FBXO40: variants seen among roughly 807,000 people sequenced by gnomAD.
FBXO40 encodes the protein F-box only protein 40.
In FBXO40, 50 loss-of-function variants were observed where a neutral mutation model predicts 49.9. The ratio of observed to expected loss-of-function variants is 1.00; its 90% CI spans 0.80 to 1.27. FBXO40 has a LOEUF of 1.27. Among genes scored for constraint, FBXO40 ranks in the 50% most tolerant of loss-of-function variants. The pLI is 0.00. For missense variants in FBXO40, 895 were observed against 870.1 expected (o/e 1.03, Z -0.36); for synonymous variants, 340 against 320.2 (o/e 1.06, Z -0.66).
Position 121,627,153 on chromosome 3 carries a change from T to C in FBXO40, c.*243T>C, listed in dbSNP as rs1256492828. 2 of 497,914 alleles carry C rather than the reference T, an allele frequency of 4.0e-6. No homozygotes were observed. The highest frequency in any genetic ancestry group is 3.5e-5 in the East Asian group (1 of 28,320). 30.8% of individuals were successfully genotyped at this position (497,914 alleles called of 1,614,324 possible). On this transcript the variant is annotated 3_prime_UTR_variant, in exon 4 of 4. Transcript: ENST00000338040. The stretch of plus-strand genomic sequence containing the variant: ...TTTTTTCTTTTCTTTTCTTTTCTTT[T>C]TTCTTTCTTTCTAAAATAGATTGGT...
chr3:121,626,557 AT>A (rs2049062210), intron 3 of FBXO40, 137 bp from the exon 4 acceptor site: 1 of 750,382 alleles, frequency 1.3e-6, no homozygotes, highest in Admixed American at 2.2e-5. Context: ...GGGCTACCAA[AT>A]GTCTGCAGGA....
chr3:121,620,600 A>T, intron 2 of FBXO40, 22 bp downstream of exon 2: 1 of 1,614,098 alleles, frequency 6.2e-7, no homozygotes, highest in Non-Finnish European at 8.5e-7. Context: ...GAGCTTATTG[A>T]AGCTTCACCA....
rs2049081931 is a variant in FBXO40, at chr3:121,629,648, T to G, written c.*2738T>G. ...TCAGGAGAGTGGCACTGCCCACAACTGCTTTGTGGGTTGTGCACTTCCAGC... is the reference window on the plus strand; with the variant it reads ...TCAGGAGAGTGGCACTGCCCACAACGGCTTTGTGGGTTGTGCACTTCCAGC... On this transcript the variant is annotated 3_prime_UTR_variant, in exon 4 of 4. Transcript: ENST00000338040. 1 of 152,194 alleles carries G rather than the reference T, an allele frequency of 6.6e-6. No homozygotes were observed. The highest frequency in any genetic ancestry group is 2.4e-5 in the African/African-American group (1 of 41,438). 9.4% of individuals were successfully genotyped at this position (152,194 alleles called of 1,614,324 possible). A position where few individuals can be genotyped will look rare whatever the true frequency, so the allele number is the denominator to read the frequency against.
intron 1 of FBXO40, among the ~76,000 whole-genome samples, chr3:121,610,494 C>T (rs2048958517): frequency 6.6e-6 from 1 of 152,120 alleles, no homozygotes; most frequent in African/African-American, 2.4e-5. Context: ...ATTAACTGCC[C>T]TTGGAACAAG....
At chr3:121,602,154 G>A (rs967788935) in intron 1 of FBXO40, among the ~76,000 whole-genome samples, 1 of 152,124 alleles carries the variant, frequency 6.6e-6, no homozygotes, top group Non-Finnish European at 1.5e-5. Context: ...TTAGCTCTCT[G>A]ATCTCTCCGT....
chr3:121,618,154 CA>C (rs2049008577), intron 1 of FBXO40, among the ~76,000 whole-genome samples: 1 of 151,734 alleles, frequency 6.6e-6, no homozygotes, highest in Non-Finnish European at 1.5e-5. Context: ...TATTATATAT[CA>C]ATAAAAATGT....
In FBXO40 at chr3:121,627,822, T is replaced by G. The variant is rs1480443751; in HGVS notation, c.*912T>G. On this transcript the variant is annotated 3_prime_UTR_variant, in exon 4 of 4. Coordinates refer to ENST00000338040, the MANE Select transcript of FBXO40 (RefSeq NM_016298.4). The stretch of plus-strand genomic sequence containing the variant: ...TGCCAACCTCAGCGTCATGCCAGAA[T>G]GCACAGGGCAGCCCAGGGAGATCAC... 5.0e-6 allele frequency: 2 copies of G among 398,522 alleles called. No individual in the cohort carries two copies. The highest frequency in any genetic ancestry group is 8.8e-6 in the Non-Finnish European group (2 of 226,102). The allele number at this position is 398,522 out of a possible 1,614,324, so 24.7% of individuals were successfully genotyped here. A position where few individuals can be genotyped will look rare whatever the true frequency, so the allele number is the denominator to read the frequency against.
chr3:121,630,156 T>C lies in FBXO40; in HGVS notation c.*3246T>C, dbSNP rs2049085916. ...TGAAGATACGTCACGAAAATCACTA[T>C]AAAAGTCTGATTTATGTGTGATGTC... On this transcript the variant is annotated 3_prime_UTR_variant, in exon 4 of 4. Transcript: ENST00000338040. 6.6e-6 allele frequency: 1 copy of C among 152,216 alleles called. No individual in the cohort carries two copies. The highest frequency in any genetic ancestry group is 1.5e-5 in the Non-Finnish European group (1 of 68,038). 9.4% of individuals were successfully genotyped at this position (152,216 alleles called of 1,614,324 possible).
At chr3:121,601,511 A>T (rs1365096701) in intron 1 of FBXO40, among the ~76,000 whole-genome samples, 1 of 152,254 alleles carries the variant, frequency 6.6e-6, no homozygotes, top group Non-Finnish European at 1.5e-5. Flanking sequence ...TCCAGCTTCA[A>T]TAATACTGTT....
chr3:121,619,758 C>T (rs1032313315), intron 1 of FBXO40, among the ~76,000 whole-genome samples: 17 of 152,142 alleles, frequency 1.1e-4, no homozygotes, highest in African/African-American at 3.6e-4. Context: ...GTAAATTTCC[C>T]AAAGTCTCAC....
chr3:121,613,281 A>C (rs997261881), intron 1 of FBXO40, among the ~76,000 whole-genome samples: 1 of 152,140 alleles, frequency 6.6e-6, no homozygotes, highest in Non-Finnish European at 1.5e-5. Context: ...CTTAGTGCCA[A>C]TTTGGCCAAG....
intron 1 of FBXO40, among the ~76,000 whole-genome samples, chr3:121,603,689 G>A (rs933645332): frequency 6.6e-6 from 1 of 152,084 alleles, no homozygotes; most frequent in East Asian, 1.9e-4. Context: ...ACATCACTCT[G>A]GTCATAGTTC....
intron 1 of FBXO40, among the ~76,000 whole-genome samples, chr3:121,594,486 C>A (rs2048861440): frequency 6.6e-6 from 1 of 152,176 alleles, no homozygotes; most frequent in Admixed American, 6.5e-5. Context: ...CAAGCATGAG[C>A]CGCTGTGCCT....
In FBXO40 at chr3:121,627,111, A is replaced by T; in HGVS notation, c.*201A>T. 1.8e-6 allele frequency: 1 copy of T among 548,722 alleles called. No individual in the cohort carries two copies. The highest frequency in any genetic ancestry group is 3.2e-6 in the Non-Finnish European group (1 of 310,062). 34.0% of individuals were successfully genotyped at this position (548,722 alleles called of 1,614,324 possible). On this transcript the variant is annotated 3_prime_UTR_variant, in exon 4 of 4. Coordinates refer to ENST00000338040, the MANE Select transcript of FBXO40 (RefSeq NM_016298.4). The stretch of plus-strand genomic sequence containing the variant: ...GCCATGTCTTGTACCATAGTGCCAC[A>T]TTGATGACTTGTTTCCTTTTTTCTT...
chr3:121,623,278 G>A lies in FBXO40; in HGVS notation c.1849G>A (p.Val617Ile), dbSNP rs748427565. The A allele has an allele frequency of 6.2e-7, 1 of 1,614,192 alleles. No homozygotes were observed. The highest frequency in any genetic ancestry group is 8.5e-7 in the Non-Finnish European group (1 of 1,180,042). Residue 617 changes from valine (V) to isoleucine (I), a missense_variant, in exon 3 of 4, where the codon GTC becomes ATC. Physicochemically the swap from Val to Ile is conservative, Grantham distance 29 (BLOSUM62 3). Transcript: ENST00000338040. ...CACTTTGTTACAAGAGAGAGGAATG[G>A]TCCTTTTGCAATGGAAGAAAAAGAG... ...CATLLQERGMVLLQWKKKRYS... is the reference protein window; with the variant it reads ...CATLLQERGMILLQWKKKRYS...
At chr3:121,626,054 C>G (rs755140173) in intron 3 of FBXO40, among the ~76,000 whole-genome samples, 2 of 152,144 alleles carry the variant, frequency 1.3e-5, no homozygotes, top group Admixed American at 1.3e-4. Context: ...TTTCAAGCAA[C>G]AGAAAATCAA....
At chr3:121,597,771 T>C (rs2108843514) in intron 1 of FBXO40, among the ~76,000 whole-genome samples, 1 of 151,776 alleles carries the variant, frequency 6.6e-6, no homozygotes, top group East Asian at 1.9e-4. Flanking sequence ...AAGTGGTTCT[T>C]GAGCCTCAGT....
Position 121,600,988 on chromosome 3 carries a change from AATTTGATC to A in FBXO40, c.-31+7491_-31+7498del, listed in dbSNP as rs1030623191. Among the ~76,000 whole-genome samples, 93 of 152,270 alleles carry A rather than the reference AATTTGATC, an allele frequency of 6.1e-4. 1 individual carries two copies. Among genetic ancestry groups the A allele is most frequent in the African/African-American group, 2.2e-3 (90 of 41,564 alleles). On this transcript the variant is annotated intron_variant, in intron 1 of 3. Coordinates refer to ENST00000338040, the MANE Select transcript of FBXO40 (RefSeq NM_016298.4). ...TCACAAGGCAACCAATGATATATCT[AATTTGATC>A]ATTTTGGGGCAACACCAGTTGGTTC...
chr3:121,600,678 A>G (rs1165792547), intron 1 of FBXO40, among the ~76,000 whole-genome samples: 1 of 152,210 alleles, frequency 6.6e-6, no homozygotes, highest in Non-Finnish European at 1.5e-5. Flanking sequence ...TGTAGCAAAG[A>G]GTATAGAGTT....
Sources: gnomAD v4.1 joint callset for allele counts (sites outside exome capture counted in the v4.1 genomes callset) on GRCh38, gnomAD v4.1.1 for gene constraint, MANE v1.5 for transcripts, NCBI Gene and HGNC (gene_info 2026-07-23, HGNC 2026-07-21) for gene names.